HIVEP2: variants seen among roughly 807,000 people sequenced by gnomAD.
The protein encoded by HIVEP2 is HIVEP zinc finger 2.
In HIVEP2, 14 loss-of-function variants were observed where a neutral mutation model predicts 180.7. That is an observed-to-expected ratio of 0.08 (90% CI 0.05 to 0.12). The LOEUF (loss-of-function observed/expected upper bound fraction) is 0.12, where lower values mean the gene tolerates loss of function less well. HIVEP2 is among the 10% of genes least tolerant of loss of function. HIVEP2 has a pLI of 1.00. For missense variants in HIVEP2, 2,579 were observed against 3,008.5 expected (o/e 0.86, Z 3.34); for synonymous variants, 1,184 against 1,136.4 (o/e 1.04, Z -0.84).
intron 1 of HIVEP2, among the ~76,000 whole-genome samples, chr6:142,885,419 G>A (rs1349053774): frequency 6.6e-6 from 1 of 151,652 alleles, no homozygotes; most frequent in Non-Finnish European, 1.5e-5. Flanking sequence ...GTGAGCCCCT[G>A]TCTTCAAGCA....
chr6:142,904,766 C>T (rs776698353), intron 1 of HIVEP2, among the ~76,000 whole-genome samples: 19 of 152,112 alleles, frequency 1.2e-4, no homozygotes, highest in African/African-American at 2.4e-4. Flanking sequence ...CTATATTACT[C>T]AGCAAGATCA....
intron 9 of HIVEP2, 74 bp from the exon 10 acceptor site, chr6:142,754,005 C>T (rs546444465): frequency 2.2e-5 from 16 of 739,128 alleles, no homozygotes; most frequent in African/African-American, 2.1e-4. Flanking sequence ...CTGTTGGATT[C>T]ATTCACTCAC....
chr6:142,803,573 A>ACACACACACACACC (rs1776470547), intron 2 of HIVEP2, among the ~76,000 whole-genome samples: 2 of 150,984 alleles, frequency 1.3e-5, no homozygotes, highest in Non-Finnish European at 3.0e-5. Context: ...GCATACACAC[A>ACACACACACACACC]CACACACACA....
rs1195569248 is a variant in HIVEP2, at chr6:142,770,095, C to T, written c.4644G>A (p.Arg1548=). 6.2e-7 allele frequency: 1 copy of T among 1,614,212 alleles called. No individual in the cohort carries two copies. The highest frequency in any genetic ancestry group is 8.5e-7 in the Non-Finnish European group (1 of 1,180,042). ...TGGACTTCTGCCCCGGAAGTGGTGCCCGGGAACCGGAAAGCATCTCCTTGC... is the reference window on the plus strand; with the variant it reads ...TGGACTTCTGCCCCGGAAGTGGTGCTCGGGAACCGGAAAGCATCTCCTTGC... ...LPSKEMLSGS[R]APLPGQKSSG... is the part of the protein sequence containing the mutation. The change falls in exon 5 of 10, where the codon CGG becomes CGA. Residue 1548 remains arginine (R), a synonymous_variant. Transcript: ENST00000367603. This position sits in a 1 kb window ranked among gnomAD's most constrained non-coding sequence, Gnocchi z 4.7.
At chr6:142,885,802 C>G (rs1005703390) in intron 1 of HIVEP2, among the ~76,000 whole-genome samples, 2 of 152,196 alleles carry the variant, frequency 1.3e-5, no homozygotes, top group Non-Finnish European at 2.9e-5. Flanking sequence ...TAAATTTTAA[C>G]ACAACTTTAT....
intron 9 of HIVEP2, 45 bp downstream of exon 9, chr6:142,759,727 T>C: frequency 6.7e-7 from 1 of 1,481,602 alleles, no homozygotes; most frequent in Non-Finnish European, 9.2e-7. Flanking sequence ...GGAGGACCAA[T>C]GTGCTTCCAC....
chr6:142,872,826 G>A (rs1008124852), intron 1 of HIVEP2, among the ~76,000 whole-genome samples: 3 of 152,148 alleles, frequency 2.0e-5, no homozygotes, highest in Non-Finnish European at 2.9e-5. Context: ...ATGCAGTATT[G>A]GGTTTTTTAC....
At position 142,773,525 on chromosome 6, in the gene HIVEP2, T is replaced by C; in HGVS notation, c.1214A>G (p.Glu405Gly). ...STDSGYFSRS[E>G]SAEQQISPPN... ...AGGGCTTATTTGCTGCTCAGCACTTTCTGAGCGAGAAAAGTAACCAGAATC... is the reference window on the plus strand; with the variant it reads ...AGGGCTTATTTGCTGCTCAGCACTTCCTGAGCGAGAAAAGTAACCAGAATC... Residue 405 changes from glutamate (E) to glycine (G), a missense_variant, in exon 5 of 10, where the codon GAA becomes GGA. Glu to Gly is a moderately conservative substitution (Grantham distance 98). Coordinates refer to ENST00000367603, the MANE Select transcript of HIVEP2 (RefSeq NM_006734.4). 2 of 1,614,266 alleles carry C rather than the reference T, an allele frequency of 1.2e-6. No homozygotes were observed. The highest frequency in any genetic ancestry group is 1.7e-5 in the Admixed American group (1 of 60,036).
At chr6:142,888,111 CT>C (rs1278363574) in intron 1 of HIVEP2, among the ~76,000 whole-genome samples, 2 of 152,200 alleles carry the variant, frequency 1.3e-5, no homozygotes, top group Admixed American at 1.3e-4. Flanking sequence ...CCCTAGTTCA[CT>C]ATCCTACGCC....
At chr6:142,860,869 G>A (rs188279495) in intron 1 of HIVEP2, among the ~76,000 whole-genome samples, 201 of 152,184 alleles carry the variant, frequency 1.3e-3, no homozygotes, top group Non-Finnish European at 2.4e-3. Flanking sequence ...GCTTTATTCC[G>A]CACAAATTCT....
intron 1 of HIVEP2, among the ~76,000 whole-genome samples, chr6:142,913,169 T>C (rs1049599695): frequency 2.6e-5 from 4 of 152,206 alleles, no homozygotes; most frequent in Admixed American, 2.6e-4. Context: ...GATGAGCTTG[T>C]CAAAAAGTTG....
chr6:142,806,864 G>A (rs1046819905), intron 2 of HIVEP2, among the ~76,000 whole-genome samples: 28 of 152,134 alleles, frequency 1.8e-4, no homozygotes, highest in African/African-American at 5.8e-4. Flanking sequence ...GGCTTCTAGT[G>A]GTTAAGTAAC....
At chr6:142,830,237 C>T (rs1775041214) in intron 2 of HIVEP2, among the ~76,000 whole-genome samples, 1 of 152,064 alleles carries the variant, frequency 6.6e-6, no homozygotes. Flanking sequence ...CCGAACTAGA[C>T]TGCCTCAATC....
At chr6:142,935,290 G>A (rs1271480519) in intron 1 of HIVEP2, among the ~76,000 whole-genome samples, 1 of 152,218 alleles carries the variant, frequency 6.6e-6, no homozygotes, top group African/African-American at 2.4e-5. Flanking sequence ...GCTCATGCCT[G>A]TAATCCCCGC....
At position 142,769,904 on chromosome 6, in the gene HIVEP2, G is replaced by A; in HGVS notation, c.4835C>T (p.Ala1612Val). ...KRPVGMLVRMASAPSGNVADS... is the reference protein window; with the variant it reads ...KRPVGMLVRMVSAPSGNVADS... ...TGCCACGTTCCCGCTGGGGGCAGAG[G>A]CCATGCGGACCAGCATGCCAACAGG... Residue 1612 changes from alanine (A) to valine (V), a missense_variant, in exon 5 of 10, where the codon GCC becomes GTC. By Grantham distance (64) the Ala-to-Val change is moderately conservative. This residue lies in a region of HIVEP2 where 349 missense variants were observed against 367.2 expected (regional missense o/e 0.95). Coordinates refer to ENST00000367603, the MANE Select transcript of HIVEP2 (RefSeq NM_006734.4). 6.2e-7 allele frequency: 1 copy of A among 1,614,030 alleles called. No homozygotes were observed. The highest frequency in any genetic ancestry group is 1.7e-5 in the Admixed American group (1 of 60,028).
At chr6:142,833,768 G>A (rs1375503270) in intron 2 of HIVEP2, among the ~76,000 whole-genome samples, 1 of 152,164 alleles carries the variant, frequency 6.6e-6, no homozygotes, top group Non-Finnish European at 1.5e-5. Flanking sequence ...ACTCACCTAA[G>A]CTAGAATAGC....
intron 9 of HIVEP2, among the ~76,000 whole-genome samples, chr6:142,758,955 T>A (rs1351891657): frequency 6.6e-6 from 1 of 152,160 alleles, no homozygotes; most frequent in Non-Finnish European, 1.5e-5. Flanking sequence ...TCCCTGGCCC[T>A]GACCAGTTTC....
chr6:142,885,794 A>C (rs1776681840), intron 1 of HIVEP2, among the ~76,000 whole-genome samples: 1 of 152,180 alleles, frequency 6.6e-6, no homozygotes, highest in Non-Finnish European at 1.5e-5. Flanking sequence ...CTGTTTAGTA[A>C]ATTTTAACAC....
intron 2 of HIVEP2, among the ~76,000 whole-genome samples, chr6:142,793,622 C>CTCTTTCTTTCCTTCTTTCTT (rs1554279257): frequency 8.0e-5 from 4 of 50,298 alleles, no homozygotes; most frequent in Admixed American, 1.7e-4. Context: ...ATCCTTCCTT[C>CTCTTTCTTTCCTTCTTTCTT]TCTTTCTTTC....
Sources: allele counts gnomAD v4.1 joint callset (sites outside exome capture counted in the v4.1 genomes callset), GRCh38; gene constraint gnomAD v4.1.1; regional missense constraint gnomAD v4.1.1; non-coding constraint Gnocchi (gnomAD v3.1); transcripts MANE v1.5; gene names NCBI Gene and HGNC (gene_info 2026-07-23, HGNC 2026-07-21).